Variants in SETD1B observed in about 807,000 individuals in gnomAD.
SETD1B encodes the protein histone-lysine N-methyltransferase SETD1B.
In SETD1B, 7 loss-of-function variants were observed where a neutral mutation model predicts 148.0. The observed-to-expected ratio is 0.05, with a 90% CI of 0.03 to 0.09. SETD1B has a LOEUF of 0.09. Among genes scored for constraint, SETD1B ranks in the 10% least tolerant of loss-of-function variants. The pLI is 1.00. For synonymous variants in SETD1B, 1,361 were observed against 1,186.5 expected (o/e 1.15, Z -3.02); for missense variants, 2,155 against 2,729.9 (o/e 0.79, Z 4.69).
Position 121,809,846 on chromosome 12 carries a change from A to C in SETD1B, c.901A>C (p.Ser301Arg). Residue 301 changes from serine to arginine, a missense_variant, in exon 6 of 17, where the codon AGC becomes CGC. Ser to Arg is a moderately radical substitution (Grantham distance 110). Around this residue, in one of 11 missense-constraint regions of SETD1B, gnomAD observed 376 missense variants for 385.0 expected, o/e 0.98. Transcript: ENST00000604567. The stretch of plus-strand genomic sequence containing the variant: ...CCAGCCCACACCCTCATACCTCTTC[A>C]GCCAGGACCCTGCAGTGACCTTCAA... ...SRQPTPSYLF[S>R]QDPAVTFKAR... 6.4e-7 allele frequency: 1 copy of C among 1,551,504 alleles called. No individual in the cohort carries two copies. The highest frequency in any genetic ancestry group is 8.7e-7 in the Non-Finnish European group (1 of 1,146,980).
chr12:121,828,169 G>T lies in SETD1B; in HGVS notation c.5727+99G>T, dbSNP rs1013915304. The T allele has an allele frequency of 4.1e-6, 6 of 1,465,336 alleles. No individual in the cohort carries two copies. In the East Asian group the frequency reaches 1.5e-4, roughly 36 times the overall value. 90.8% of individuals were successfully genotyped at this position (1,465,336 alleles called of 1,614,324 possible). ...GAAGCCCCGGCACGGGAATCAGCTCGGCCTCCTTCCCAAGCTCAGGTTGGC... is the reference window on the plus strand; with the variant it reads ...GAAGCCCCGGCACGGGAATCAGCTCTGCCTCCTTCCCAAGCTCAGGTTGGC... On this transcript the variant is annotated intron_variant, in intron 16 of 16. Transcript: ENST00000604567.
At chr12:121,824,744 G>C (rs1012069003) in intron 12 of SETD1B, among the ~76,000 whole-genome samples, 10 of 152,114 alleles carry the variant, frequency 6.6e-5, no homozygotes, top group African/African-American at 2.4e-4. Context: ...AAACTGAGCA[G>C]AAAGTTGTTA....
the SETD1B span, chr12:121,793,057 G>C: frequency 9.3e-7 from 1 of 1,079,734 alleles, no homozygotes; most frequent in South Asian, 1.4e-5. Context: ...CCCTGCCAAG[G>C]CTGCAGGGCG....
Position 121,817,311 on chromosome 12 carries a change from C to T in SETD1B, c.2977+17C>T. ...AAGATGAAGGTTCGTGCTCTGGGTG[C>T]TGGGGTCCCCTTCTTCCGCATCCCC... On this transcript the variant is annotated intron_variant, in intron 8 of 16. Coordinates refer to ENST00000604567, the MANE Select transcript of SETD1B (RefSeq NM_001353345.2). This position sits in a 1 kb window ranked among gnomAD's most constrained non-coding sequence, Gnocchi z 8.1. 1 of 1,545,572 alleles carries T rather than the reference C, an allele frequency of 6.5e-7. No individual in the cohort carries two copies. Among genetic ancestry groups the T allele is most frequent in the Non-Finnish European group, 8.7e-7 (1 of 1,143,470 alleles).
At chr12:121,807,444 TA>T (rs33988047) in intron 4 of SETD1B, among the ~76,000 whole-genome samples, 98,528 of 132,556 alleles carry the variant, frequency 0.74, 35,853 homozygotes, top group East Asian at 0.89. Context: ...TTCAATTCTG[TA>T]AAAAAAAAAA....
At position 121,819,578 on chromosome 12, in the gene SETD1B, A is replaced by C. The variant is rs762118794; in HGVS notation, c.3593A>C (p.Glu1198Ala). Residue 1198 changes from glutamate (E) to alanine (A), a missense_variant, in exon 11 of 17, where the codon GAG (glutamate) becomes GCG (alanine). Glu to Ala is a moderately radical substitution (Grantham distance 107). This residue lies in a region of SETD1B where 862 missense variants were observed against 873.8 expected (regional missense o/e 0.99). Transcript: ENST00000604567. Reference sequence around the variant, plus strand: ...GAGGAGGAGGAGGAGATGGTGGCCGAGGAAAGCATGGCTTCTGCAGGCCCT... The same window carrying C: ...GAGGAGGAGGAGGAGATGGTGGCCGCGGAAAGCATGGCTTCTGCAGGCCCT... ...EEEEEEEMVA[E>A]ESMASAGPED... The C allele has an allele frequency of 8.4e-6, 13 of 1,552,496 alleles. No individual in the cohort carries two copies. The highest frequency in any genetic ancestry group is 8.3e-5 in the South Asian group (7 of 84,068).
At chr12:121,826,019 T>C (rs1876823595) in intron 13 of SETD1B, among the ~76,000 whole-genome samples, 1 of 152,118 alleles carries the variant, frequency 6.6e-6, no homozygotes, top group Non-Finnish European at 1.5e-5. Flanking sequence ...TCTGGGTCTA[T>C]AGCAGTGAAC....
In SETD1B at chr12:121,806,037, A is replaced by C. The variant is rs1354722254; in HGVS notation, c.476A>C (p.Asp159Ala). The change falls in exon 4 of 17, where the codon GAT (aspartate) becomes GCT (alanine). Residue 159 changes from aspartate (D) to alanine (A), a missense_variant. Asp to Ala is a moderately radical substitution (Grantham distance 126). Coordinates refer to ENST00000604567, the MANE Select transcript of SETD1B (RefSeq NM_001353345.2). Reference sequence around the variant, plus strand: ...TTTGCCACGGTCCGGGGAGCCAAGGATGCCGTTCAGCACTTGCACAGCACT... The same window carrying C: ...TTTGCCACGGTCCGGGGAGCCAAGGCTGCCGTTCAGCACTTGCACAGCACT... Reference protein sequence around the residue: ...VVFATVRGAKDAVQHLHSTSV... With the variant: ...VVFATVRGAKAAVQHLHSTSV... 9 of 1,551,708 alleles carry C rather than the reference A, an allele frequency of 5.8e-6. No individual in the cohort carries two copies. Among genetic ancestry groups the C allele is most frequent in the Non-Finnish European group, 7.8e-6 (9 of 1,146,996 alleles).
Position 121,816,168 on chromosome 12 carries a change from C to T in SETD1B, c.2716-865C>T, listed in dbSNP as rs1333790910. Among the ~76,000 whole-genome samples the T allele has an allele frequency of 1.3e-5, 2 of 152,108 alleles. 1 individual carries two copies. The highest frequency in any genetic ancestry group is 2.9e-5 in the Non-Finnish European group (2 of 68,030). On this transcript the variant is annotated intron_variant, in intron 7 of 16. Coordinates refer to ENST00000604567, the MANE Select transcript of SETD1B (RefSeq NM_001353345.2). Reference sequence around the variant, plus strand: ...AACATATTATTTGCCTGTTTGCAATCTTACAGGTAATCTAAAATTACTTAT... The same window carrying T: ...AACATATTATTTGCCTGTTTGCAATTTTACAGGTAATCTAAAATTACTTAT...
rs1165796533 is a variant in SETD1B at position 121,805,688 on chromosome 12, AATT to A, written c.274-146_274-144del. ...GCGTGCATTTTTTTTTTCCAAAAAA[AATT>A]TTTTTTTTTTTTTTAATTTTTAGTT... On this transcript the variant is annotated intron_variant, in intron 3 of 16. Coordinates refer to ENST00000604567, the MANE Select transcript of SETD1B (RefSeq NM_001353345.2). This position sits in a 1 kb window ranked among gnomAD's most constrained non-coding sequence, Gnocchi z 4.2. The A allele has an allele frequency of 3.7e-4, 245 of 667,050 alleles. 1 individual carries two copies. Among genetic ancestry groups the A allele is most frequent in the South Asian group, 4.2e-4 (11 of 26,230 alleles). The allele number at this position is 667,050 out of a possible 1,614,324, so 41.3% of individuals were successfully genotyped here.
At position 121,832,097 on chromosome 12, in the gene SETD1B, T is replaced by C. The variant is rs1256233067; in HGVS notation, c.*1858T>C. On this transcript the variant is annotated 3_prime_UTR_variant, in exon 17 of 17. Transcript: ENST00000604567. Reference sequence around the variant, plus strand: ...TTCACATGAGGAAATGCGTAGCTTGTAGAGACGGCTGATTCAAGTTACATG... The same window carrying C: ...TTCACATGAGGAAATGCGTAGCTTGCAGAGACGGCTGATTCAAGTTACATG... 6.6e-6 allele frequency: 1 copy of C among 152,188 alleles called. No homozygotes were observed. Among genetic ancestry groups the C allele is most frequent in the Non-Finnish European group, 1.5e-5 (1 of 68,042 alleles). 9.4% of individuals were successfully genotyped at this position (152,188 alleles called of 1,614,324 possible). A position where few individuals can be genotyped will look rare whatever the true frequency, so the allele number is the denominator to read the frequency against.
chr12:121,808,468 C>G lies in SETD1B; in HGVS notation c.657+148C>G, dbSNP rs1030627618. 3 of 584,080 alleles carry G rather than the reference C, an allele frequency of 5.1e-6. No individual in the cohort carries two copies. The Admixed American group carries it at 9.3e-5, about 18-fold the overall frequency. 36.2% of individuals were successfully genotyped at this position (584,080 alleles called of 1,614,324 possible). ...GACCAAGGCCTAGGAGGGTGTGAAG[C>G]CTGGCCACGCCCCCCACAATTGGGA... On this transcript the variant is annotated intron_variant, in intron 5 of 16. Transcript: ENST00000604567. This position sits in a 1 kb window ranked among gnomAD's most constrained non-coding sequence, Gnocchi z 5.3.
chr12:121,814,537 C>T lies in SETD1B; in HGVS notation c.2322C>T (p.Ser774=), dbSNP rs1876195775. ...LGGQWGGMPM[S]FQMQTQVLSR... Reference sequence around the variant, plus strand: ...GCCAGTGGGGCGGCATGCCCATGTCCTTCCAGATGCAAACGCAGGTGCTCA... The same window carrying T: ...GCCAGTGGGGCGGCATGCCCATGTCTTTCCAGATGCAAACGCAGGTGCTCA... Residue 774 remains serine (S), a synonymous_variant, in exon 7 of 17, where the codon TCC becomes TCT. Coordinates refer to ENST00000604567, the MANE Select transcript of SETD1B (RefSeq NM_001353345.2). 1 of 1,486,108 alleles carries T rather than the reference C, an allele frequency of 6.7e-7. No individual in the cohort carries two copies. The highest frequency in any genetic ancestry group is 9.0e-7 in the Non-Finnish European group (1 of 1,112,568). 92.1% of individuals were successfully genotyped at this position (1,486,108 alleles called of 1,614,324 possible). A position where few individuals can be genotyped will look rare whatever the true frequency, so the allele number is the denominator to read the frequency against.
chr12:121,797,211 T>C, the SETD1B span: 15 of 355,526 alleles, frequency 4.2e-5, 1 homozygote, highest in South Asian at 3.1e-4. Context: ...CGAAAGGTCA[T>C]GTTCCACGCT....
chr12:121,800,280 G>A (rs1310496581), upstream of SETD1B: 2 of 152,326 alleles, frequency 1.3e-5, no homozygotes, highest in East Asian at 3.9e-4. Flanking sequence ...CCTCCTGCCT[G>A]GAGAGCTGGG....
In SETD1B at chr12:121,822,491, A is replaced by G. The variant is rs755551011; in HGVS notation, c.3912A>G (p.Glu1304=). 3 of 1,542,188 alleles carry G rather than the reference A, an allele frequency of 1.9e-6. No homozygotes were observed. The Admixed American group carries it at 6.0e-5, about 31-fold the overall frequency. The change falls in exon 12 of 17, where the codon GAA becomes GAG. Residue 1304 remains glutamate, a splice_region_variant and synonymous_variant. Coordinates refer to ENST00000604567, the MANE Select transcript of SETD1B (RefSeq NM_001353345.2). The stretch of plus-strand genomic sequence containing the variant: ...TCGTGTTCGCTCACCTCTCTGCAGA[A>G]CATGACCTGGAAGTGGAGCCGGAGC... ...RPPLSPERAP[E]HDLEVEPEPP...
At chr12:121,797,029 C>CAA in the SETD1B span, among the ~76,000 whole-genome samples, 61 of 98,152 alleles carry the variant, frequency 6.2e-4, no homozygotes, top group African/African-American at 1.9e-3. Context: ...AACTCTGTCT[C>CAA]AAAAAAAAAA....
In SETD1B at chr12:121,811,839, G is replaced by A. The variant is rs543594261; in HGVS notation, c.1890+1004G>A. ...GCTGCAGGTGGCTGGGGCTCCAGGGGGCCTCCAAGCAGTTCTGGGGAAGTG... is the reference window on the plus strand; with the variant it reads ...GCTGCAGGTGGCTGGGGCTCCAGGGAGCCTCCAAGCAGTTCTGGGGAAGTG... On this transcript the variant is annotated intron_variant, in intron 6 of 16. Transcript: ENST00000604567. Among the ~76,000 whole-genome samples, 25 of 152,280 alleles carry A rather than the reference G, an allele frequency of 1.6e-4. 1 individual carries two copies. In the South Asian group the frequency reaches 3.3e-3, roughly 20 times the overall value.
At chr12:121,811,824 G>T (rs1357542418) in intron 6 of SETD1B, among the ~76,000 whole-genome samples, 7 of 152,194 alleles carry the variant, frequency 4.6e-5, no homozygotes, top group Non-Finnish European at 8.8e-5. Flanking sequence ...GCTGCAGGTG[G>T]CTGGGGCTCC....
Sources: allele counts gnomAD v4.1 joint callset (sites outside exome capture counted in the v4.1 genomes callset), GRCh38; gene constraint gnomAD v4.1.1; regional missense constraint gnomAD v4.1.1; non-coding constraint Gnocchi (gnomAD v3.1); transcripts MANE v1.5; gene names NCBI Gene and HGNC (gene_info 2026-07-23, HGNC 2026-07-21).